Variants in BCL11B observed in about 807,000 individuals in gnomAD.
BCL11B encodes the protein BCL11 transcription factor B, also known as B-cell lymphoma/leukemia 11B.
BCL11B carries 8 observed loss-of-function variants against 49.9 expected under a neutral mutation model. The observed-to-expected ratio is 0.16, with a 90% confidence interval of 0.09 to 0.29. The LOEUF (loss-of-function observed/expected upper bound fraction) is 0.29, where lower values mean the gene tolerates loss of function less well. BCL11B is among the 10% of genes least tolerant of loss of function. The pLI is 1.00. For synonymous variants in BCL11B, 739 were observed against 637.4 expected, an observed-to-expected ratio of 1.16 and a Z score of -2.40; for missense variants, 1,006 against 1,351.0, an observed-to-expected ratio of 0.74 and a Z score of 4.00.
At position 99,261,282 on chromosome 14, in the gene BCL11B, G is replaced by A. The variant is rs1248363959; in HGVS notation, c.59-3443C>T. 2.6e-5 allele frequency among the ~76,000 whole-genome samples: 4 copies of A among 152,234 alleles called. No individual in the cohort carries two copies. In the East Asian group the frequency reaches 5.8e-4, roughly 22 times the overall value. ...GACTGTGGTTTCACTTCCGCTGGCA[G>A]GCAGATACCAAGCTAGGCGTGTAGG... On this transcript the variant is annotated intron_variant, in intron 1 of 3. Transcript: ENST00000357195.
chr14:99,222,270 T>C (rs1888032244), intron 3 of BCL11B, among the ~76,000 whole-genome samples: 1 of 150,780 alleles, frequency 6.6e-6, no homozygotes, highest in Non-Finnish European at 1.5e-5. Flanking sequence ...GGAAAAAAAA[T>C]GGATTCCACT....
chr14:99,241,936 C>T lies in BCL11B; in HGVS notation c.428-10379G>A, dbSNP rs186296621. Among the ~76,000 whole-genome samples, 423 of 152,222 alleles carry T rather than the reference C, an allele frequency of 2.8e-3. 3 individuals carry two copies. Among genetic ancestry groups the T allele is most frequent in the South Asian group, 0.027 (132 of 4,824 alleles). ...AAACAGCCAACAGATTTTTCACTAC[C>T]GAAGACGCCAAGCGTAAACATGATT... On this transcript the variant is annotated intron_variant, in intron 2 of 3. Transcript: ENST00000357195. The surrounding 1 kb of genome is among the most constrained non-coding windows in gnomAD (Gnocchi z 4.4).
At chr14:99,265,655 T>C (rs759037361) in intron 1 of BCL11B, among the ~76,000 whole-genome samples, 1 of 152,228 alleles carries the variant, frequency 6.6e-6, no homozygotes, top group Non-Finnish European at 1.5e-5. Context: ...TCTTCATCTC[T>C]GAGTGGTCCA....
chr14:99,202,356 G>A (rs764062411), intron 3 of BCL11B, among the ~76,000 whole-genome samples: 1 of 152,134 alleles, frequency 6.6e-6, no homozygotes, highest in Non-Finnish European at 1.5e-5. Flanking sequence ...GAGCCTCTAA[G>A]AGTTCTTTTC....
chr14:99,252,905 G>A (rs551608565), intron 2 of BCL11B, among the ~76,000 whole-genome samples: 1 of 152,362 alleles, frequency 6.6e-6, no homozygotes, highest in African/African-American at 2.4e-5. Context: ...GGAACCTGTA[G>A]GAAATCACCG....
At position 99,175,341 on chromosome 14, in the gene BCL11B, C is replaced by T; in HGVS notation, c.1495G>A (p.Glu499Lys). ...DDGLSAASSP[E>K]PGTSELAGEG... ...CCCGCCAGCTCGCTGGTGCCGGGCT[C>T]GGGGGAGCTGGCGGCCGAGAGCCCG... The change falls in exon 4 of 4, where the codon GAG becomes AAG. Residue 499 changes from glutamate to lysine, a missense_variant. Coordinates refer to ENST00000357195, the MANE Select transcript of BCL11B (RefSeq NM_138576.4). 1 of 1,555,190 alleles carries T rather than the reference C, an allele frequency of 6.4e-7. No individual in the cohort carries two copies. The highest frequency in any genetic ancestry group is 8.7e-7 in the Non-Finnish European group (1 of 1,156,006).
intron 2 of BCL11B, among the ~76,000 whole-genome samples, chr14:99,255,657 G>A (rs917279173): frequency 1.3e-5 from 2 of 152,180 alleles, no homozygotes; most frequent in Non-Finnish European, 2.9e-5. Context: ...AGTCTCCCTA[G>A]CAAGGCCACC....
chr14:99,188,555 G>T (rs1291093908), intron 3 of BCL11B, among the ~76,000 whole-genome samples: 2 of 148,028 alleles, frequency 1.4e-5, no homozygotes, highest in Non-Finnish European at 3.0e-5. Flanking sequence ...TGGGGCTGGG[G>T]CTGGGGCTGG....
In BCL11B at chr14:99,194,504, G is replaced by A. The variant is rs1768756683; in HGVS notation, c.641-18309C>T. Among the ~76,000 whole-genome samples, 1 of 152,228 alleles carries A rather than the reference G, an allele frequency of 6.6e-6. No homozygotes were observed. Among genetic ancestry groups the A allele is most frequent in the African/African-American group, 2.4e-5 (1 of 41,464 alleles). On this transcript the variant is annotated intron_variant, in intron 3 of 3. Coordinates refer to ENST00000357195, the MANE Select transcript of BCL11B (RefSeq NM_138576.4). The surrounding 1 kb of genome is among the most constrained non-coding windows in gnomAD (Gnocchi z 4.6). ...TGTTGCCCATGCACCTTGAACAAAG[G>A]ACTGAACACTATGGGGTTCTATTCC...
intron 3 of BCL11B, among the ~76,000 whole-genome samples, chr14:99,214,319 G>A (rs979226464): frequency 7.9e-5 from 12 of 152,268 alleles, no homozygotes; most frequent in South Asian, 2.1e-4. Context: ...TTGGGAGGCC[G>A]AAGAGAGAGG....
At chr14:99,176,910 A>G (rs759142754) in intron 3 of BCL11B, among the ~76,000 whole-genome samples, 2 of 151,348 alleles carry the variant, frequency 1.3e-5, no homozygotes, top group African/African-American at 2.4e-5. Flanking sequence ...AAACTGTACT[A>G]TCCTGCAAAC....
chr14:99,199,742 A>C (rs1269255140), intron 3 of BCL11B, among the ~76,000 whole-genome samples: 1 of 150,906 alleles, frequency 6.6e-6, no homozygotes. Context: ...GTGTGTGTAC[A>C]CAAAAGAAAA....
At chr14:99,225,774 T>G (rs932233627) in intron 3 of BCL11B, among the ~76,000 whole-genome samples, 1 of 152,228 alleles carries the variant, frequency 6.6e-6, no homozygotes. Flanking sequence ...CTTCAGAACG[T>G]CTGAAGGGCC....
rs2139804634 is a variant in BCL11B, at chr14:99,194,482, T to C, written c.641-18287A>G. Among the ~76,000 whole-genome samples the C allele has an allele frequency of 6.6e-6, 1 of 152,352 alleles. No homozygotes were observed. Among genetic ancestry groups the C allele is most frequent in the South Asian group, 2.1e-4 (1 of 4,828 alleles). On this transcript the variant is annotated intron_variant, in intron 3 of 3. Transcript: ENST00000357195. This position sits in a 1 kb window ranked among gnomAD's most constrained non-coding sequence, Gnocchi z 4.6. Reference sequence around the variant, plus strand: ...GGGCACCCAGAACCCCATCCAGTGTTGCCCATGCACCTTGAACAAAGGACT... The same window carrying C: ...GGGCACCCAGAACCCCATCCAGTGTCGCCCATGCACCTTGAACAAAGGACT...
intron 3 of BCL11B, among the ~76,000 whole-genome samples, chr14:99,203,267 T>C (rs1426194346): frequency 1.3e-5 from 2 of 152,172 alleles, no homozygotes; most frequent in Non-Finnish European, 2.9e-5. Context: ...GGCTCAGCTC[T>C]GCTCCTGTAA....
Position 99,210,792 on chromosome 14 carries a change from G to A in BCL11B, c.640+20553C>T, listed in dbSNP as rs368587925. 4.0e-4 allele frequency among the ~76,000 whole-genome samples: 61 copies of A among 152,318 alleles called. No homozygotes were observed. The East Asian group carries it at 6.6e-3, about 16-fold the overall frequency. ...TAGCAGGGGTGACTTTGACACTGAC[G>A]TGCGGAGGAGCCTGAGGTGGGAACC... On this transcript the variant is annotated intron_variant, in intron 3 of 3. Coordinates refer to ENST00000357195, the MANE Select transcript of BCL11B (RefSeq NM_138576.4).
intron 2 of BCL11B, among the ~76,000 whole-genome samples, chr14:99,256,451 A>G (rs556516271): frequency 6.6e-6 from 1 of 152,330 alleles, no homozygotes; most frequent in Non-Finnish European, 1.5e-5. Context: ...AAAGTCAACC[A>G]TCAGGATTTG....
In BCL11B at chr14:99,170,896, C is replaced by T. The variant is rs1337046195; in HGVS notation, c.*3255G>A. 2 of 232,426 alleles carry T rather than the reference C, an allele frequency of 8.6e-6. No individual in the cohort carries two copies. Among genetic ancestry groups the T allele is most frequent in the Non-Finnish European group, 1.7e-5 (2 of 117,602 alleles). 14.4% of individuals were successfully genotyped at this position (232,426 alleles called of 1,614,324 possible). A position where few individuals can be genotyped will look rare whatever the true frequency, so the allele number is the denominator to read the frequency against. ...TATTTGTGTTTGTTTCACAATTTCTCAAGGACTAAAGCAGCTCAGTTTGCA... is the reference window on the plus strand; with the variant it reads ...TATTTGTGTTTGTTTCACAATTTCTTAAGGACTAAAGCAGCTCAGTTTGCA... On this transcript the variant is annotated 3_prime_UTR_variant, in exon 4 of 4. Transcript: ENST00000357195.
intron 1 of BCL11B, among the ~76,000 whole-genome samples, chr14:99,258,753 T>C (rs1260097046): frequency 6.6e-6 from 1 of 152,186 alleles, no homozygotes; most frequent in Non-Finnish European, 1.5e-5. Flanking sequence ...TTTCTGTTTG[T>C]TGATTTTATT....
Sources: allele counts gnomAD v4.1 joint callset (sites outside exome capture counted in the v4.1 genomes callset), GRCh38; gene constraint gnomAD v4.1.1; non-coding constraint Gnocchi (gnomAD v3.1); transcripts MANE v1.5; gene names NCBI Gene and HGNC (gene_info 2026-07-23, HGNC 2026-07-21).